Variants in MTFMT observed in about 807,000 individuals in gnomAD.
MTFMT encodes the protein methionyl-tRNA formyltransferase, mitochondrial.
Under a neutral mutation model 51.8 loss-of-function variants are expected in MTFMT, and 47 were observed. The ratio of observed to expected loss-of-function variants is 0.91; its 90% confidence interval spans 0.72 to 1.16. The LOEUF (loss-of-function observed/expected upper bound fraction) is 1.16, where lower values mean the gene tolerates loss of function less well. MTFMT is among the 50% of genes most tolerant of loss of function. MTFMT has a pLI of 0.00. For missense variants in MTFMT, 512 were observed against 482.3 expected, an observed-to-expected ratio of 1.06 and a Z score of -0.58; for synonymous variants, 196 against 176.7, an observed-to-expected ratio of 1.11 and a Z score of -0.87.
chr15:65,003,435 T>G (rs2086193918), intron 8 of MTFMT, among the ~76,000 whole-genome samples, 179 bp from the exon 9 acceptor site: 1 of 152,226 alleles, frequency 6.6e-6, no homozygotes, highest in Non-Finnish European at 1.5e-5. Context: ...TCTATTAGGT[T>G]GGTGCAAAAG....
At chr15:65,018,823 A>G (rs1444677126) in intron 5 of MTFMT, among the ~76,000 whole-genome samples, 1 of 152,234 alleles carries the variant, frequency 6.6e-6, no homozygotes, top group Non-Finnish European at 1.5e-5. Context: ...ATGATACTAA[A>G]AAGAACGCAT....
chr15:65,021,469 AC>A, intron 4 of MTFMT, 44 bp downstream of exon 4: 1 of 1,382,684 alleles, frequency 7.2e-7, no homozygotes, highest in South Asian at 1.2e-5. Flanking sequence ...CACTTAGGAA[AC>A]CCACTAAATG....
intron 2 of MTFMT, among the ~76,000 whole-genome samples, chr15:65,024,449 T>C (rs933120590): frequency 1.3e-5 from 2 of 152,206 alleles, no homozygotes; most frequent in South Asian, 2.1e-4. Flanking sequence ...TTTTATAGTT[T>C]AGTCACATAA....
At chr15:65,009,891 C>T (rs1042183295) in intron 6 of MTFMT, among the ~76,000 whole-genome samples, 2 of 152,042 alleles carry the variant, frequency 1.3e-5, no homozygotes, top group Non-Finnish European at 2.9e-5. Context: ...AGGGCTCAAG[C>T]GATTCACTCT....
chr15:65,012,205 G>T (rs779368558), intron 6 of MTFMT, among the ~76,000 whole-genome samples: 6 of 143,308 alleles, frequency 4.2e-5, no homozygotes, highest in Non-Finnish European at 9.0e-5. Context: ...TATACCTCAT[G>T]TAAATGATGA....
Position 65,029,618 on chromosome 15 carries a change from T to C in MTFMT, c.-5A>G. 1.5e-6 allele frequency: 2 copies of C among 1,298,482 alleles called. No individual in the cohort carries two copies. The highest frequency in any genetic ancestry group is 3.5e-5 in the Admixed American group (1 of 28,820). 80.4% of individuals were successfully genotyped at this position (1,298,482 alleles called of 1,614,324 possible). ...GCGCCGCACCAACACCCTCATCGCC[T>C]CGGCCGCCGGCGGCCGGCCCTGCGC... On this transcript the variant is annotated 5_prime_UTR_variant, in exon 1 of 9. Coordinates refer to ENST00000220058, the MANE Select transcript of MTFMT (RefSeq NM_139242.4).
intron 1 of MTFMT, among the ~76,000 whole-genome samples, chr15:65,028,991 G>C (rs2086454133): frequency 6.6e-6 from 1 of 152,194 alleles, no homozygotes; most frequent in African/African-American, 2.4e-5. Context: ...GAACTTTGAA[G>C]TGGGACCTGG....
intron 8 of MTFMT, 134 bp downstream of exon 8, chr15:65,004,720 T>C: frequency 2.1e-6 from 1 of 469,344 alleles, no homozygotes; most frequent in East Asian, 3.5e-5. Context: ...CACTATTTCT[T>C]AAGAAAATTA....
rs1407569282 is a variant in MTFMT, at chr15:65,002,822, G to A, written c.*240C>T. On this transcript the variant is annotated 3_prime_UTR_variant, in exon 9 of 9. Transcript: ENST00000220058. ...TACTAAAAATACAAAAATTAGCTGC[G>A]TGTGGTGGCGTGTGCCTGTAATCCC... The A allele has an allele frequency of 1.3e-5, 3 of 239,538 alleles. No homozygotes were observed. The highest frequency in any genetic ancestry group is 1.6e-5 in the Non-Finnish European group (2 of 124,732). The allele number at this position is 239,538 out of a possible 1,614,324, so 14.8% of individuals were successfully genotyped here.
intron 6 of MTFMT, 21 bp downstream of exon 6, chr15:65,016,415 C>T: frequency 6.6e-7 from 1 of 1,511,722 alleles, no homozygotes; most frequent in Non-Finnish European, 9.1e-7. Flanking sequence ...GGTAGAACTG[C>T]AACCTGACTT....
rs2086397240 is a variant in MTFMT, at chr15:65,023,867, G to T, written c.420-73C>A. 20 of 1,308,884 alleles carry T rather than the reference G, an allele frequency of 1.5e-5. No individual in the cohort carries two copies. In the South Asian group the frequency reaches 3.5e-4, roughly 23 times the overall value. The allele number at this position is 1,308,884 out of a possible 1,614,324, so 81.1% of individuals were successfully genotyped here. ...TCGTTACCACTACCTAAGCTATTATGCTACTTTTCATTAGGAAACTTTCCC... is the reference window on the plus strand; with the variant it reads ...TCGTTACCACTACCTAAGCTATTATTCTACTTTTCATTAGGAAACTTTCCC... On this transcript the variant is annotated intron_variant, in intron 2 of 8. Transcript: ENST00000220058.
intron 5 of MTFMT, among the ~76,000 whole-genome samples, chr15:65,016,782 C>CTT (rs35437034): frequency 7.1e-6 from 1 of 141,630 alleles, no homozygotes. Flanking sequence ...ACTATTCAAA[C>CTT]TTTTTTTTTT....
In MTFMT at chr15:65,021,815, T is replaced by TA. The variant is rs566842850; in HGVS notation, c.543-200dup. Reference sequence around the variant, plus strand: ...GGCAACACAGCTAGCCCCTATCTCTTAAAAAAAATAAATAAAGATAGTTTA... The same window carrying TA: ...GGCAACACAGCTAGCCCCTATCTCTTAAAAAAAAATAAATAAAGATAGTTTA... On this transcript the variant is annotated intron_variant, in intron 3 of 8. Coordinates refer to ENST00000220058, the MANE Select transcript of MTFMT (RefSeq NM_139242.4). 6.0e-4 allele frequency among the ~76,000 whole-genome samples: 91 copies of TA among 152,028 alleles called. 1 individual carries two copies. The highest frequency in any genetic ancestry group is 2.1e-3 in the African/African-American group (85 of 41,450).
In MTFMT at chr15:65,011,485, C is replaced by CTTTTTTTTT. The variant is rs536213292; in HGVS notation, c.813+4942_813+4950dup. On this transcript the variant is annotated intron_variant, in intron 6 of 8. Coordinates refer to ENST00000220058, the MANE Select transcript of MTFMT (RefSeq NM_139242.4). ...TATTCCCTCCCATTCTGTAAGCTGT[C>CTTTTTTTTT]TTTTTTTTTTTTTTTTTTTTTTTTT... Among the ~76,000 whole-genome samples, 18 of 74,104 alleles carry CTTTTTTTTT rather than the reference C, an allele frequency of 2.4e-4. 3 individuals are homozygous for CTTTTTTTTT. The highest frequency in any genetic ancestry group is 1.2e-3 in the East Asian group (2 of 1,730). The allele number at this position is 74,104 out of a possible 152,430, so 48.6% of individuals were successfully genotyped here.
chr15:65,012,939 G>A (rs959404777), intron 6 of MTFMT, among the ~76,000 whole-genome samples: 2 of 152,026 alleles, frequency 1.3e-5, no homozygotes, highest in African/African-American at 4.8e-5. Flanking sequence ...ACATCAACTT[G>A]GGGAGTAGAG....
intron 2 of MTFMT, among the ~76,000 whole-genome samples, chr15:65,024,093 G>A (rs538714432): frequency 6.6e-6 from 1 of 152,140 alleles, no homozygotes; most frequent in Non-Finnish European, 1.5e-5. Context: ...TTGAGAGGCC[G>A]AGGCGGGCGG....
chr15:65,025,468 A>G (rs1438763187), intron 2 of MTFMT, among the ~76,000 whole-genome samples: 1 of 152,186 alleles, frequency 6.6e-6, no homozygotes, highest in Non-Finnish European at 1.5e-5. Context: ...TAAAAGACTG[A>G]GAGGGCCAAG....
chr15:65,023,719 G>A lies in MTFMT; in HGVS notation c.495C>T (p.His165=), dbSNP rs752555152. The A allele has an allele frequency of 5.3e-5, 86 of 1,613,516 alleles. No homozygotes were observed. In the Middle Eastern group the frequency reaches 8.2e-4, roughly 15 times the overall value. Reference sequence around the variant, plus strand: ...TTGTTACTCCAGTAACTGTGTCTCCGTGAAGCACTGTATGGATTACAGGGG... The same window carrying A: ...TTGTTACTCCAGTAACTGTGTCTCCATGAAGCACTGTATGGATTACAGGGG... ...GPAPVIHTVL[H]GDTVTGVTIM... The change falls in exon 3 of 9, where the codon CAC becomes CAT. Residue 165 remains histidine, a synonymous_variant. Coordinates refer to ENST00000220058, the MANE Select transcript of MTFMT (RefSeq NM_139242.4).
chr15:65,008,942 A>G (rs1185254047), intron 6 of MTFMT, among the ~76,000 whole-genome samples: 1 of 130,836 alleles, frequency 7.6e-6, no homozygotes, highest in Non-Finnish European at 1.8e-5. Flanking sequence ...AGCTCACCTT[A>G]TCATCAGAGC....
Sources: gnomAD v4.1 joint callset for allele counts (sites outside exome capture counted in the v4.1 genomes callset) on GRCh38, gnomAD v4.1.1 for gene constraint, MANE v1.5 for transcripts, NCBI Gene and HGNC (gene_info 2026-07-23, HGNC 2026-07-21) for gene names.